The following CEP63 variants were observed in gnomAD, a reference collection of about 807,000 sequenced individuals.
The protein encoded by CEP63 is centrosomal protein of 63 kDa.
A neutral mutation model predicts 89.1 loss-of-function variants in CEP63; 84 were observed. The ratio of observed to expected loss-of-function variants is 0.94; its 90% CI spans 0.79 to 1.13. CEP63 has a LOEUF of 1.13. Ranked by LOEUF, CEP63 falls within the 50% of genes most tolerant of loss-of-function variation. The probability of loss-of-function intolerance (pLI) is 0.00; values close to 1 mark genes in which losing one functional copy is unlikely to be tolerated. For synonymous variants in CEP63, 267 were observed against 272.5 expected, an observed-to-expected ratio of 0.98 and a Z score of 0.20; for missense variants, 838 against 813.3, an observed-to-expected ratio of 1.03 and a Z score of -0.37.
chr3:134,542,605 A>G (rs538603059), intron 6 of CEP63, among the ~76,000 whole-genome samples: 147 of 152,324 alleles, frequency 9.7e-4, no homozygotes, highest in Middle Eastern at 3.4e-3. Context: ...TTGTTGCTTC[A>G]TATCACATTG....
At chr3:134,603,693 G>A in the CEP63 span, 5 of 1,613,924 alleles carry the variant, frequency 3.1e-6, no homozygotes, top group Non-Finnish European at 3.4e-6. Context: ...TTCCCTCCCA[G>A]TAGCCCTCGT....
chr3:134,774,225 C>T, the CEP63 span, among the ~76,000 whole-genome samples: 1 of 152,172 alleles, frequency 6.6e-6, no homozygotes, highest in South Asian at 2.1e-4. Context: ...TTTCCTCCCA[C>T]AGGGTCTCTC....
At chr3:134,591,820 G>C (rs1490870985), downstream of CEP63, among the ~76,000 whole-genome samples, 1 of 152,138 alleles carries the variant, frequency 6.6e-6, no homozygotes, top group Non-Finnish European at 1.5e-5. Flanking sequence ...GGCAGAGGTT[G>C]CAGTGAGCTG....
chr3:134,658,057 C>T, the CEP63 span, among the ~76,000 whole-genome samples: 9 of 152,066 alleles, frequency 5.9e-5, no homozygotes, highest in Non-Finnish European at 1.2e-4. Context: ...CCACCACGCC[C>T]GGCTAATTTT....
At chr3:134,527,570 A>G (rs1051405508) in intron 3 of CEP63, among the ~76,000 whole-genome samples, 11 of 152,204 alleles carry the variant, frequency 7.2e-5, no homozygotes, top group Non-Finnish European at 1.0e-4. Context: ...CAAGAAAAGC[A>G]AAACCTGCCG....
chr3:134,635,916 T>C, the CEP63 span, among the ~76,000 whole-genome samples: 1 of 152,242 alleles, frequency 6.6e-6, no homozygotes, highest in African/African-American at 2.4e-5. Flanking sequence ...ATAACCTGCT[T>C]TCTTCATTTA....
rs747770835 is a variant in CEP63, at chr3:134,547,483, A to C, written c.1067+11A>C. On this transcript the variant is annotated intron_variant, in intron 9 of 14. Coordinates refer to ENST00000675561, the MANE Select transcript of CEP63 (RefSeq NM_001353108.3). ...TTGTCTTGAAGGCAGGTACATAATT[A>C]TACACACATTTCAAAAATTTCAAGT... 13 of 1,611,716 alleles carry C rather than the reference A, an allele frequency of 8.1e-6. No individual in the cohort carries two copies. In the East Asian group the frequency reaches 2.7e-4, roughly 33 times the overall value.
chr3:134,485,958 C>G (rs1935122432), upstream of CEP63: 1 of 981,798 alleles, frequency 1.0e-6, no homozygotes, highest in Admixed American at 6.3e-5. Flanking sequence ...TTACCGGCAC[C>G]CGGCCACCGC....
chr3:134,776,768 C>A, the CEP63 span, among the ~76,000 whole-genome samples: 2 of 152,198 alleles, frequency 1.3e-5, no homozygotes, highest in Non-Finnish European at 2.9e-5. Context: ...TCATGGGAGC[C>A]AGGCAGTTTC....
At chr3:134,613,327 C>T in the CEP63 span, 2 of 152,686 alleles carry the variant, frequency 1.3e-5, no homozygotes, top group Admixed American at 6.5e-5. Flanking sequence ...GGGGGACATC[C>T]TGCCCTCAAG....
At chr3:134,607,347 G>A in the CEP63 span, 3 of 985,532 alleles carry the variant, frequency 3.0e-6, no homozygotes, top group Non-Finnish European at 3.6e-6. Context: ...GAACTAACTT[G>A]GGGACACCTG....
intron 3 of CEP63, chr3:134,510,430 G>T: frequency 3.8e-6 from 1 of 259,782 alleles, no homozygotes. Flanking sequence ...GGTATGGAGA[G>T]AACCGGAGTT....
the CEP63 span, among the ~76,000 whole-genome samples, chr3:134,761,432 G>A: frequency 2.6e-5 from 4 of 152,322 alleles, no homozygotes; most frequent in African/African-American, 4.8e-5. Flanking sequence ...ACACCGCCTT[G>A]GCATTGTGCA....
At chr3:134,546,439 A>G (rs1184980295) in intron 8 of CEP63, 151 bp downstream of exon 8, 1 of 704,234 alleles carries the variant, frequency 1.4e-6, no homozygotes, top group African/African-American at 1.8e-5. Flanking sequence ...GCTCACTGCA[A>G]CCTCAACCTC....
At chr3:134,708,649 G>A in the CEP63 span, among the ~76,000 whole-genome samples, 330 of 152,268 alleles carry the variant, frequency 2.2e-3, 1 homozygote, top group Admixed American at 4.2e-3. Context: ...TTAAATACTC[G>A]TATCCTTTGA....
chr3:134,636,577 C>T, the CEP63 span, among the ~76,000 whole-genome samples: 3 of 152,216 alleles, frequency 2.0e-5, no homozygotes, highest in South Asian at 6.2e-4. Flanking sequence ...ACCAGCTGGT[C>T]TCCAGCCAAC....
chr3:134,515,380 C>T (rs1945994144), intron 3 of CEP63, among the ~76,000 whole-genome samples: 1 of 152,160 alleles, frequency 6.6e-6, no homozygotes, highest in Non-Finnish European at 1.5e-5. Context: ...AAAAGAAAAA[C>T]TGTCCAACTG....
chr3:134,535,022 G>A (rs895441832), intron 5 of CEP63, among the ~76,000 whole-genome samples: 1 of 152,012 alleles, frequency 6.6e-6, no homozygotes, highest in African/African-American at 2.4e-5. Context: ...TACCTTAGCA[G>A]TTCACCTTCT....
the CEP63 span, among the ~76,000 whole-genome samples, chr3:134,739,664 C>A: frequency 6.6e-6 from 1 of 151,150 alleles, no homozygotes; most frequent in African/African-American, 2.4e-5. Flanking sequence ...CAATATGATA[C>A]CATGTACACG....
Sources: allele counts gnomAD v4.1 joint callset (sites outside exome capture counted in the v4.1 genomes callset), GRCh38; gene constraint gnomAD v4.1.1; transcripts MANE v1.5; gene names NCBI Gene and HGNC (gene_info 2026-07-23, HGNC 2026-07-21).